ITPR1: variants seen among roughly 807,000 people sequenced by gnomAD.
ITPR1 encodes inositol 1,4,5-trisphosphate-gated calcium channel ITPR1.
In ITPR1, 96 loss-of-function variants were observed where a neutral mutation model predicts 318.4. The observed-to-expected ratio is 0.30, with a 90% CI of 0.26 to 0.36. The LOEUF (loss-of-function observed/expected upper bound fraction) is 0.36. Ranked by LOEUF, ITPR1 falls within the 10% of genes least tolerant of loss-of-function variation. The probability of loss-of-function intolerance (pLI) is 1.00; values close to 1 mark genes in which losing one functional copy is unlikely to be tolerated. For synonymous variants in ITPR1, 1,312 were observed against 1,289.9 expected (o/e 1.02, Z -0.37); for missense variants, 2,440 against 3,460.2 (o/e 0.71, Z 7.40).
rs749632304 is a variant in ITPR1, at chr3:4,555,828, A to G, written c.163+34734A>G. 3.0e-4 allele frequency among the ~76,000 whole-genome samples: 46 copies of G among 152,234 alleles called. 1 individual carries two copies. Among genetic ancestry groups the G allele is most frequent in the South Asian group, 4.1e-4 (2 of 4,826 alleles). On this transcript the variant is annotated intron_variant, in intron 4 of 61. Coordinates refer to ENST00000649015, the MANE Select transcript of ITPR1 (RefSeq NM_001378452.1). Reference sequence around the variant, plus strand: ...CTAAATGCTGTACAAGTATTAACCAATTTAATCCTTGTTACTGCATAAGGA... The same window carrying G: ...CTAAATGCTGTACAAGTATTAACCAGTTTAATCCTTGTTACTGCATAAGGA...
At chr3:4,580,699 T>A (rs2089241419) in intron 4 of ITPR1, among the ~76,000 whole-genome samples, 1 of 152,154 alleles carries the variant, frequency 6.6e-6, no homozygotes, top group South Asian at 2.1e-4. Flanking sequence ...GGGCCAGAAT[T>A]TCTGTTGCTG....
chr3:4,585,252 A>T (rs1229442501), intron 4 of ITPR1, among the ~76,000 whole-genome samples: 1 of 152,228 alleles, frequency 6.6e-6, no homozygotes, highest in Non-Finnish European at 1.5e-5. Context: ...ATAGAAACCC[A>T]ACCAATTACC....
chr3:4,624,772 G>T (rs117480257), intron 4 of ITPR1, among the ~76,000 whole-genome samples: 1 of 151,572 alleles, frequency 6.6e-6, no homozygotes, highest in East Asian at 1.9e-4. Context: ...GAAACACATA[G>T]ATGCTTTGGG....
intron 52 of ITPR1, among the ~76,000 whole-genome samples, chr3:4,789,207 A>G (rs983602489): frequency 5.9e-5 from 9 of 152,126 alleles, no homozygotes; most frequent in Admixed American, 3.9e-4. Flanking sequence ...GCCAGGCCAA[A>G]TCCATCCCTC....
chr3:4,566,475 G>A (rs1055782742), intron 4 of ITPR1, among the ~76,000 whole-genome samples: 3 of 152,064 alleles, frequency 2.0e-5, no homozygotes, highest in African/African-American at 7.2e-5. Context: ...GAGCTTAAAG[G>A]TAAGGAATAG....
At chr3:4,647,742 G>C (rs1185985693) in intron 10 of ITPR1, among the ~76,000 whole-genome samples, 1 of 152,170 alleles carries the variant, frequency 6.6e-6, no homozygotes, top group East Asian at 1.9e-4. Context: ...ACGATGTTGA[G>C]CATTTTTCTC....
chr3:4,603,351 G>A (rs1340128807), intron 4 of ITPR1, among the ~76,000 whole-genome samples: 3 of 152,082 alleles, frequency 2.0e-5, no homozygotes, highest in African/African-American at 7.2e-5. Context: ...TGTGAGCATA[G>A]CACCCAATAG....
At position 4,652,230 on chromosome 3, in the gene ITPR1, C is replaced by T. The variant is rs944185117; in HGVS notation, c.951+12C>T. ...ACTTGGCAGCAGAGGTAAGTAGCAG[C>T]TCCTGTGGTTTTCTCTTTCAAGGCT... On this transcript the variant is annotated intron_variant, in intron 11 of 61. Transcript: ENST00000649015. 6 of 1,594,578 alleles carry T rather than the reference C, an allele frequency of 3.8e-6. No homozygotes were observed. The Admixed American group carries it at 8.5e-5, about 23-fold the overall frequency.
intron 56 of ITPR1, 65 bp from the exon 57 acceptor site, chr3:4,813,077 G>T: frequency 8.9e-7 from 1 of 1,126,606 alleles, no homozygotes; most frequent in Non-Finnish European, 1.4e-6. Flanking sequence ...GTGAATTGGG[G>T]ACTTCAAACA....
intron 4 of ITPR1, among the ~76,000 whole-genome samples, chr3:4,606,626 G>A (rs1188613223): frequency 6.6e-6 from 1 of 152,120 alleles, no homozygotes; most frequent in African/African-American, 2.4e-5. Flanking sequence ...AAAGGAGCAG[G>A]TAGCGGAATG....
At chr3:4,533,807 G>T (rs146852388) in intron 4 of ITPR1, among the ~76,000 whole-genome samples, 22 of 152,320 alleles carry the variant, frequency 1.4e-4, no homozygotes, top group African/African-American at 5.1e-4. Flanking sequence ...CACGAGCCTT[G>T]ATCAGAGCCT....
At chr3:4,691,422 A>G (rs990325875) in intron 32 of ITPR1, 78 bp downstream of exon 32, 1 of 966,076 alleles carries the variant, frequency 1.0e-6, no homozygotes, top group Admixed American at 2.1e-5. Context: ...TATCTGTATG[A>G]ACTTGCACCC....
chr3:4,631,160 C>T (rs1488503475), intron 5 of ITPR1, among the ~76,000 whole-genome samples: 3 of 152,212 alleles, frequency 2.0e-5, no homozygotes, highest in Non-Finnish European at 4.4e-5. Flanking sequence ...CTTGAGCTCT[C>T]AGCTCTTTGG....
intron 4 of ITPR1, among the ~76,000 whole-genome samples, chr3:4,554,517 C>T (rs2085921353): frequency 1.3e-5 from 2 of 151,888 alleles, no homozygotes; most frequent in African/African-American, 4.8e-5. Context: ...GTGCTGGGGA[C>T]CTACGGTGGT....
intron 53 of ITPR1, among the ~76,000 whole-genome samples, 185 bp downstream of exon 53, chr3:4,795,372 C>T (rs1238596362): frequency 1.3e-5 from 2 of 152,124 alleles, no homozygotes; most frequent in Non-Finnish European, 2.9e-5. Flanking sequence ...AATAATTTAA[C>T]TTTTTTATCC....
At chr3:4,717,006 C>T (rs1471235339) in intron 39 of ITPR1, among the ~76,000 whole-genome samples, 1 of 152,224 alleles carries the variant, frequency 6.6e-6, no homozygotes, top group Non-Finnish European at 1.5e-5. Flanking sequence ...TTTCACTCTA[C>T]TCTTTCCCAC....
chr3:4,669,047 C>T (rs532134433), intron 18 of ITPR1, among the ~76,000 whole-genome samples: 8 of 152,178 alleles, frequency 5.3e-5, no homozygotes, highest in Non-Finnish European at 1.2e-4. Flanking sequence ...GGAGCACGGA[C>T]ACAGTTGCTG....
chr3:4,690,760 C>A (rs543350051), intron 31 of ITPR1, among the ~76,000 whole-genome samples: 1 of 152,270 alleles, frequency 6.6e-6, no homozygotes, highest in African/African-American at 2.4e-5. Context: ...ATGGAACTTA[C>A]ATATCAGTGA....
chr3:4,540,892 T>G (rs1207704127), intron 4 of ITPR1, among the ~76,000 whole-genome samples: 2 of 152,172 alleles, frequency 1.3e-5, no homozygotes, highest in African/African-American at 4.8e-5. Context: ...CATTGAAGGT[T>G]TTTTTCATTG....
Sources: gnomAD v4.1 joint callset for allele counts (sites outside exome capture counted in the v4.1 genomes callset) on GRCh38, gnomAD v4.1.1 for gene constraint, MANE v1.5 for transcripts, NCBI Gene and HGNC (gene_info 2026-07-23, HGNC 2026-07-21) for gene names.